Variants in IL1RAP observed in about 807,000 individuals in gnomAD.
IL1RAP encodes the protein interleukin-1 receptor accessory protein.
Under a neutral mutation model 60.7 loss-of-function variants are expected in IL1RAP, and 35 were observed. That is an observed-to-expected ratio of 0.58 (90% confidence interval 0.44 to 0.76). IL1RAP has a LOEUF of 0.76. Among genes scored for constraint, IL1RAP ranks in the 30% least tolerant of loss-of-function variants. The probability of loss-of-function intolerance (pLI) is 0.00; values close to 1 mark genes in which losing one functional copy is unlikely to be tolerated. For synonymous variants in IL1RAP, 268 were observed against 250.9 expected (o/e 1.07, Z -0.64); for missense variants, 572 against 693.9 (o/e 0.82, Z 1.97).
rs200782803 is a variant in IL1RAP, at chr3:190,564,300, T to G, written c.11T>G (p.Leu4Arg). 2 of 1,609,244 alleles carry G rather than the reference T, an allele frequency of 1.2e-6. No individual in the cohort carries two copies. Among genetic ancestry groups the G allele is most frequent in the Admixed American group, 1.7e-5 (1 of 59,934 alleles). The change falls in exon 3 of 12, where the codon CTG (leucine) becomes CGG (arginine). Residue 4 changes from leucine to arginine, a missense_variant. Coordinates refer to ENST00000447382, the MANE Select transcript of IL1RAP (RefSeq NM_002182.4). MTL[L>R]WCVVSLYFYG... ...ATTTATGGTTACAGGATGACACTTC[T>G]GTGGTGTGTAGTGAGTCTCTACTTT...
intron 3 of IL1RAP, among the ~76,000 whole-genome samples, chr3:190,569,650 C>T (rs1438862990): frequency 1.3e-5 from 2 of 150,638 alleles, no homozygotes; most frequent in South Asian, 2.1e-4. Flanking sequence ...ACTTATATTT[C>T]CCAAGGGTGG....
intron 5 of IL1RAP, among the ~76,000 whole-genome samples, chr3:190,614,722 A>T (rs1275832669): frequency 1.3e-5 from 2 of 152,178 alleles, no homozygotes; most frequent in Non-Finnish European, 2.9e-5. Flanking sequence ...TTTACTCAAA[A>T]CAATGCAGCT....
At chr3:190,545,885 A>G (rs1724324540) in intron 1 of IL1RAP, among the ~76,000 whole-genome samples, 1 of 152,132 alleles carries the variant, frequency 6.6e-6, no homozygotes, top group African/African-American at 2.4e-5. Flanking sequence ...TAATGTATAC[A>G]TGTGTGAAAA....
At chr3:190,527,714 T>C (rs548065152) in intron 1 of IL1RAP, among the ~76,000 whole-genome samples, 1 of 149,358 alleles carries the variant, frequency 6.7e-6, no homozygotes, top group Non-Finnish European at 1.5e-5. Context: ...GCTTTTGGTC[T>C]TGTTATGGGA....
At chr3:190,647,490 C>T (rs536024497) in intron 11 of IL1RAP, among the ~76,000 whole-genome samples, 3 of 152,202 alleles carry the variant, frequency 2.0e-5, no homozygotes, top group Non-Finnish European at 4.4e-5. Context: ...GGGCCCTTGA[C>T]AGCAGAATAA....
At chr3:190,599,801 CT>C (rs1241384614) in intron 3 of IL1RAP, among the ~76,000 whole-genome samples, 1 of 133,558 alleles carries the variant, frequency 7.5e-6, no homozygotes, top group African/African-American at 2.8e-5. Flanking sequence ...TTTTCTATTT[CT>C]TTTTCTTTCT....
At chr3:190,598,246 A>G (rs1400941258) in intron 3 of IL1RAP, among the ~76,000 whole-genome samples, 1 of 152,218 alleles carries the variant, frequency 6.6e-6, no homozygotes, top group Non-Finnish European at 1.5e-5. Context: ...AATGGCAGTG[A>G]CATCTTATTT....
chr3:190,634,376 C>T (rs1733027458), intron 9 of IL1RAP, among the ~76,000 whole-genome samples: 1 of 150,942 alleles, frequency 6.6e-6, no homozygotes, highest in Non-Finnish European at 1.5e-5. Flanking sequence ...GCAACCTCCA[C>T]CTCCTGGGTT....
chr3:190,564,346 T>C lies in IL1RAP; in HGVS notation c.57T>C (p.Asp19=). The part of the protein sequence containing the change: ...SLYFYGILQS[D]ASERCDDWGL... ...ACTTTTATGGAATCCTGCAAAGTGA[T>C]GCCTCAGGTAAGTGAATGGCTTTTG... The change falls in exon 3 of 12, where the codon GAT becomes GAC. Residue 19 remains aspartate, a synonymous_variant. Transcript: ENST00000447382. 1 of 1,608,940 alleles carries C rather than the reference T, an allele frequency of 6.2e-7. No homozygotes were observed. Among genetic ancestry groups the C allele is most frequent in the South Asian group, 1.1e-5 (1 of 90,990 alleles).
rs1473083569 is a variant in IL1RAP, at chr3:190,621,741, G to A, written c.703+1301G>A. On this transcript the variant is annotated intron_variant, in intron 6 of 11. Transcript: ENST00000447382. Reference sequence around the variant, plus strand: ...TTCTCATAGTGAAACTGCGATATGAGTTTTAATTATCCTCATTTTAGAGTT... The same window carrying A: ...TTCTCATAGTGAAACTGCGATATGAATTTTAATTATCCTCATTTTAGAGTT... 2.0e-5 allele frequency among the ~76,000 whole-genome samples: 3 copies of A among 146,960 alleles called. No homozygotes were observed. In the South Asian group the frequency reaches 6.4e-4, roughly 32 times the overall value.
intron 8 of IL1RAP, among the ~76,000 whole-genome samples, chr3:190,628,482 A>T (rs1358433223): frequency 6.6e-6 from 1 of 152,234 alleles, no homozygotes; most frequent in Non-Finnish European, 1.5e-5. Context: ...CATACCTGAC[A>T]GTAAGCCTAG....
At chr3:190,534,914 A>T (rs1156946012) in intron 1 of IL1RAP, among the ~76,000 whole-genome samples, 4 of 82,676 alleles carry the variant, frequency 4.8e-5, no homozygotes, top group Non-Finnish European at 9.2e-5. Context: ...TAAGAGAATT[A>T]AAAAAAAAAA....
chr3:190,569,200 G>T (rs1046162183), intron 3 of IL1RAP, among the ~76,000 whole-genome samples: 1 of 152,196 alleles, frequency 6.6e-6, no homozygotes, highest in Non-Finnish European at 1.5e-5. Flanking sequence ...ATGTATTTTG[G>T]TTATAGTTGG....
At chr3:190,520,692 T>G (rs976964371) in intron 1 of IL1RAP, 1 of 152,208 alleles carries the variant, frequency 6.6e-6, no homozygotes, top group African/African-American at 2.4e-5. Flanking sequence ...TATTATTTTC[T>G]GTTGAACATG....
intron 3 of IL1RAP, among the ~76,000 whole-genome samples, chr3:190,585,105 C>T (rs566445462): frequency 1.4e-4 from 21 of 152,176 alleles, no homozygotes; most frequent in African/African-American, 3.9e-4. Context: ...TTTGAGGCCC[C>T]GAAGAGAGAA....
rs187258483 is a variant in IL1RAP, at chr3:190,549,919, G to T, written c.-88-6211G>T. Among the ~76,000 whole-genome samples the T allele has an allele frequency of 3.3e-5, 5 of 152,318 alleles. No individual in the cohort carries two copies. The East Asian group carries it at 9.7e-4, about 29-fold the overall frequency. On this transcript the variant is annotated intron_variant, in intron 1 of 11. Coordinates refer to ENST00000447382, the MANE Select transcript of IL1RAP (RefSeq NM_002182.4). Reference sequence around the variant, plus strand: ...TTTAAAGGGGTACGGAGTGAAGATGGATGGCTACTCATCTAGAAAGAGGGG... The same window carrying T: ...TTTAAAGGGGTACGGAGTGAAGATGTATGGCTACTCATCTAGAAAGAGGGG...
Position 190,623,382 on chromosome 3 carries a change from C to T in IL1RAP, c.742C>T (p.Pro248Ser). 1.2e-6 allele frequency: 2 copies of T among 1,613,516 alleles called. No homozygotes were observed. Among genetic ancestry groups the T allele is most frequent in the Non-Finnish European group, 8.5e-7 (1 of 1,179,560 alleles). The change falls in exon 7 of 12, where the codon CCT becomes TCT. Residue 248 changes from proline to serine, a missense_variant. By Grantham distance (74) the Pro-to-Ser change is moderately conservative. Transcript: ENST00000447382. ...KNAVPPVIHS[P>S]NDHVVYEKEP... The stretch of plus-strand genomic sequence containing the variant: ...TGCAGTGCCCCCTGTGATCCATTCA[C>T]CTAATGATCATGTGGTCTATGAGAA...
chr3:190,537,566 T>C (rs1166471329), intron 1 of IL1RAP, among the ~76,000 whole-genome samples: 16 of 152,292 alleles, frequency 1.1e-4, no homozygotes, highest in Admixed American at 9.2e-4. Flanking sequence ...TATTTTGTTT[T>C]GATCTTACAC....
At chr3:190,607,953 T>C (rs1730489139) in intron 4 of IL1RAP, among the ~76,000 whole-genome samples, 1 of 152,206 alleles carries the variant, frequency 6.6e-6, no homozygotes. Flanking sequence ...GACATAGGAT[T>C]GCTAGGGCAA....
Sources: allele counts gnomAD v4.1 joint callset (sites outside exome capture counted in the v4.1 genomes callset), GRCh38; gene constraint gnomAD v4.1.1; transcripts MANE v1.5; gene names NCBI Gene and HGNC (gene_info 2026-07-23, HGNC 2026-07-21).